Variants in XYLB observed in about 807,000 individuals in gnomAD.
XYLB encodes xylulokinase.
A neutral mutation model predicts 78.7 loss-of-function variants in XYLB; 62 were observed. The observed-to-expected ratio is 0.79, with a 90% CI of 0.64 to 0.97. The LOEUF (loss-of-function observed/expected upper bound fraction) is 0.97. Among genes scored for constraint, XYLB ranks in the 50% least tolerant of loss-of-function variants. The pLI is 0.00. For synonymous variants in XYLB, 245 were observed against 247.4 expected (o/e 0.99, Z 0.09); for missense variants, 687 against 676.8 (o/e 1.02, Z -0.17).
At chr3:38,371,169 G>A (rs1248967372) in intron 9 of XYLB, among the ~76,000 whole-genome samples, 1 of 152,168 alleles carries the variant, frequency 6.6e-6, no homozygotes, top group African/African-American at 2.4e-5. Context: ...GAGTGCAGTG[G>A]CATGATCATA....
intron 17 of XYLB, among the ~76,000 whole-genome samples, chr3:38,399,892 G>C (rs541582373): frequency 6.6e-6 from 1 of 152,180 alleles, no homozygotes; most frequent in Non-Finnish European, 1.5e-5. Context: ...ACTGTCTTGT[G>C]TAGCCAGTCT....
the XYLB span, among the ~76,000 whole-genome samples, chr3:38,438,616 C>G: frequency 6.6e-6 from 1 of 152,144 alleles, no homozygotes; most frequent in Non-Finnish European, 1.5e-5. Context: ...AAGCTGCGGA[C>G]CTTTGTGGTG....
Position 38,374,568 on chromosome 3 carries a change from T to C in XYLB, c.888+66T>C, listed in dbSNP as rs973475829. The C allele has an allele frequency of 3.1e-6, 5 of 1,605,712 alleles. No individual in the cohort carries two copies. In the East Asian group the frequency reaches 1.1e-4, roughly 36 times the overall value. On this transcript the variant is annotated intron_variant, in intron 11 of 18. Transcript: ENST00000207870. ...ACACTCACACCCACACTCTGATAAG[T>C]AGCAGAGGTGCTGCTGAGACCCAGA... is the stretch of plus-strand genomic sequence containing the variant.
At chr3:38,432,171 G>C in the XYLB span, among the ~76,000 whole-genome samples, 5 of 152,264 alleles carry the variant, frequency 3.3e-5, no homozygotes, top group East Asian at 9.6e-4. Flanking sequence ...AGCAGTCCCC[G>C]AAAGTCTGAA....
At chr3:38,362,080 TCCC>T (rs1347577613) in intron 3 of XYLB, among the ~76,000 whole-genome samples, 6 of 152,202 alleles carry the variant, frequency 3.9e-5, no homozygotes, top group Non-Finnish European at 7.4e-5. Context: ...CTCTATCCAC[TCCC>T]TCCAGCCTCT....
At chr3:38,394,325 T>C (rs949393068) in intron 15 of XYLB, among the ~76,000 whole-genome samples, 1 of 152,178 alleles carries the variant, frequency 6.6e-6, no homozygotes, top group African/African-American at 2.4e-5. Context: ...ATATTTTCTA[T>C]TGTATTTGAT....
At chr3:38,402,388 C>A (rs1225486348) in intron 18 of XYLB, among the ~76,000 whole-genome samples, 2 of 152,164 alleles carry the variant, frequency 1.3e-5, no homozygotes. Context: ...CATGTAGAAA[C>A]ACTATGGAGA....
At chr3:38,416,952 A>G (rs550881157), downstream of XYLB, among the ~76,000 whole-genome samples, 20 of 152,222 alleles carry the variant, frequency 1.3e-4, no homozygotes, top group Non-Finnish European at 2.2e-4. Context: ...TAACATTTGC[A>G]TAACAAATTA....
downstream of XYLB, among the ~76,000 whole-genome samples, chr3:38,425,388 G>A (rs1488385204): frequency 6.6e-6 from 1 of 152,202 alleles, no homozygotes; most frequent in Non-Finnish European, 1.5e-5. Context: ...ACAAGCCATT[G>A]TGGAAAGAAT....
intron 10 of XYLB, among the ~76,000 whole-genome samples, chr3:38,373,875 C>T (rs1480815472): frequency 6.6e-6 from 1 of 152,062 alleles, no homozygotes; most frequent in Non-Finnish European, 1.5e-5. Flanking sequence ...TGTTGTGAGC[C>T]ATGTGTGGTA....
the XYLB span, among the ~76,000 whole-genome samples, chr3:38,437,793 C>T: frequency 5.3e-5 from 8 of 152,112 alleles, no homozygotes; most frequent in South Asian, 6.2e-4. Context: ...AAAAATAGGC[C>T]GGGTGCAGTG....
intron 17 of XYLB, among the ~76,000 whole-genome samples, chr3:38,399,184 C>G (rs184865917): frequency 6.6e-6 from 1 of 152,250 alleles, no homozygotes; most frequent in African/African-American, 2.4e-5. Context: ...ACTGCAGCCT[C>G]GACCTCCTAG....
the XYLB span, among the ~76,000 whole-genome samples, chr3:38,430,089 T>C: frequency 6.6e-6 from 1 of 152,188 alleles, no homozygotes; most frequent in African/African-American, 2.4e-5. Flanking sequence ...GATCACTGGG[T>C]CAAACAGTAT....
chr3:38,370,221 AC>A, intron 9 of XYLB, 47 bp downstream of exon 9: 1 of 1,051,920 alleles, frequency 9.5e-7, no homozygotes, highest in Non-Finnish European at 1.5e-6. Flanking sequence ...GCTGGCAGCT[AC>A]CAGGGAAGCA....
At chr3:38,384,384 A>G (rs1057065113) in intron 15 of XYLB, among the ~76,000 whole-genome samples, 1 of 152,088 alleles carries the variant, frequency 6.6e-6, no homozygotes, top group African/African-American at 2.4e-5. Context: ...TGGTTTTCCA[A>G]CGTGGAATCA....
At chr3:38,437,867 A>C in the XYLB span, among the ~76,000 whole-genome samples, 1 of 152,090 alleles carries the variant, frequency 6.6e-6, no homozygotes, top group Non-Finnish European at 1.5e-5. Context: ...GTCAGGAGAT[A>C]GAGACCACCC....
chr3:38,417,214 T>C (rs1353676903), downstream of XYLB, among the ~76,000 whole-genome samples: 1 of 152,132 alleles, frequency 6.6e-6, no homozygotes, highest in African/African-American at 2.4e-5. Flanking sequence ...GGCAGGTGGA[T>C]CGCTTGAGCT....
intron 18 of XYLB, among the ~76,000 whole-genome samples, chr3:38,407,955 G>A (rs1322124592): frequency 6.6e-6 from 1 of 152,032 alleles, no homozygotes; most frequent in Non-Finnish European, 1.5e-5. Flanking sequence ...ACACCCCACT[G>A]TCAACATTAG....
intron 3 of XYLB, among the ~76,000 whole-genome samples, chr3:38,361,222 C>T (rs963492365): frequency 1.3e-5 from 2 of 152,244 alleles, no homozygotes; most frequent in Non-Finnish European, 2.9e-5. Flanking sequence ...GTAGCAGGAT[C>T]TGGTGACCTA....
Sources: gnomAD v4.1 joint callset for allele counts (sites outside exome capture counted in the v4.1 genomes callset) on GRCh38, gnomAD v4.1.1 for gene constraint, MANE v1.5 for transcripts, NCBI Gene and HGNC (gene_info 2026-07-23, HGNC 2026-07-21) for gene names.